ABTB3: variants seen among roughly 807,000 people sequenced by gnomAD.
ABTB3 encodes the protein ankyrin repeat- and BTB/POZ domain-containing protein 3.
the ABTB3 span, among the ~76,000 whole-genome samples, chr12:107,469,948 CTTTCTTTCTT>C: frequency 2.1e-4 from 9 of 42,860 alleles, 1 homozygote; most frequent in East Asian, 4.1e-3. Flanking sequence ...CTTTCTCTTT[CTTTCTTTCTT>C]TCTTTCTTTC....
the ABTB3 span, among the ~76,000 whole-genome samples, chr12:107,486,125 G>A: frequency 6.6e-6 from 1 of 152,178 alleles, no homozygotes; most frequent in East Asian, 1.9e-4. Flanking sequence ...CTAGTGGGAG[G>A]TGTTTGGGTC....
chr12:107,475,715 CT>C, the ABTB3 span, among the ~76,000 whole-genome samples: 612 of 148,196 alleles, frequency 4.1e-3, 4 homozygotes, highest in African/African-American at 0.014. Context: ...TTGTTATTTT[CT>C]TTTTTTTTTA....
At chr12:107,612,784 T>C in the ABTB3 span, 1 of 1,612,992 alleles carries the variant, frequency 6.2e-7, no homozygotes, top group Non-Finnish European at 8.5e-7. Flanking sequence ...CCACAGGGCA[T>C]GACTCCCCTG....
chr12:107,642,280 G>C, the ABTB3 span: 1 of 967,704 alleles, frequency 1.0e-6, no homozygotes, highest in African/African-American at 1.6e-5. Flanking sequence ...CTTGGAATGA[G>C]CTGTCAGTCT....
chr12:107,428,482 G>A, the ABTB3 span, among the ~76,000 whole-genome samples: 4 of 152,148 alleles, frequency 2.6e-5, no homozygotes, highest in African/African-American at 4.8e-5. Flanking sequence ...TGAAGGATGC[G>A]AGTTAAGGAA....
chr12:107,437,008 C>T, the ABTB3 span, among the ~76,000 whole-genome samples: 1,134 of 152,064 alleles, frequency 7.5e-3, 12 homozygotes, highest in African/African-American at 0.026. Flanking sequence ...CAGAATTTTA[C>T]CTCTGATTTC....
the ABTB3 span, among the ~76,000 whole-genome samples, chr12:107,645,396 C>T: frequency 6.6e-6 from 1 of 152,174 alleles, no homozygotes; most frequent in Non-Finnish European, 1.5e-5. Context: ...ATAATCCCCA[C>T]CTTACAGACA....
the ABTB3 span, chr12:107,617,362 G>A: frequency 6.2e-6 from 10 of 1,614,044 alleles, no homozygotes; most frequent in Non-Finnish European, 8.5e-6. Flanking sequence ...TAGGAACCAT[G>A]TACAGGAATG....
chr12:107,388,906 CA>C, the ABTB3 span, among the ~76,000 whole-genome samples: 1 of 151,976 alleles, frequency 6.6e-6, no homozygotes, highest in African/African-American at 2.4e-5. Flanking sequence ...TCCATGGATA[CA>C]TTAATTTAAC....
the ABTB3 span, among the ~76,000 whole-genome samples, chr12:107,428,822 C>T: frequency 6.6e-6 from 1 of 152,254 alleles, no homozygotes. Context: ...CGGTGCCAGG[C>T]ACCGTGATAG....
chr12:107,522,898 A>G, the ABTB3 span, among the ~76,000 whole-genome samples: 1 of 152,150 alleles, frequency 6.6e-6, no homozygotes, highest in Non-Finnish European at 1.5e-5. Context: ...TCCCAAGTTT[A>G]AGTAATAATT....
At chr12:107,527,660 T>C in the ABTB3 span, among the ~76,000 whole-genome samples, 1 of 152,156 alleles carries the variant, frequency 6.6e-6, no homozygotes, top group Admixed American at 6.5e-5. Flanking sequence ...TAATATTTGC[T>C]GAATGAATTA....
chr12:107,561,149 C>T, the ABTB3 span, among the ~76,000 whole-genome samples: 2 of 152,144 alleles, frequency 1.3e-5, no homozygotes, highest in Non-Finnish European at 2.9e-5. Context: ...AGTCCTTTGT[C>T]CCGTTGCTCT....
chr12:107,348,939 G>T, the ABTB3 span, among the ~76,000 whole-genome samples: 1 of 152,168 alleles, frequency 6.6e-6, no homozygotes, highest in African/African-American at 2.4e-5. Context: ...CCAGGCAAAG[G>T]GAACAGCTTG....
chr12:107,627,954 G>A, the ABTB3 span, among the ~76,000 whole-genome samples: 1 of 152,366 alleles, frequency 6.6e-6, no homozygotes, highest in Non-Finnish European at 1.5e-5. Flanking sequence ...ACACATCAAA[G>A]TAGATGTGCG....
chr12:107,442,918 G>C, the ABTB3 span, among the ~76,000 whole-genome samples: 3 of 152,138 alleles, frequency 2.0e-5, no homozygotes, highest in African/African-American at 7.2e-5. Context: ...CAGGATCAAG[G>C]CACCAGCAGA....
chr12:107,623,358 CTTTTT>C, the ABTB3 span, among the ~76,000 whole-genome samples: 254 of 69,598 alleles, frequency 3.6e-3, no homozygotes, highest in Non-Finnish European at 5.8e-3. Flanking sequence ...CACGCCTGGC[CTTTTT>C]TTTTTTTTTT....
the ABTB3 span, among the ~76,000 whole-genome samples, chr12:107,331,375 C>G: frequency 6.6e-6 from 1 of 152,170 alleles, no homozygotes; most frequent in Non-Finnish European, 1.5e-5. Flanking sequence ...AGATGTCAAA[C>G]TGCACCCATG....
chr12:107,518,386 A>T, the ABTB3 span, among the ~76,000 whole-genome samples: 1 of 152,174 alleles, frequency 6.6e-6, no homozygotes, highest in Non-Finnish European at 1.5e-5. Context: ...AATAGATTGG[A>T]TTAAGAAAAT....
Sources: gnomAD v4.1 joint callset for allele counts (sites outside exome capture counted in the v4.1 genomes callset) on GRCh38, gnomAD v4.1.1 for gene constraint, MANE v1.5 for transcripts, NCBI Gene and HGNC (gene_info 2026-07-23, HGNC 2026-07-21) for gene names.